The following ZHX3 variants were observed in gnomAD, a reference collection of about 807,000 sequenced individuals.
The protein encoded by ZHX3 is zinc fingers and homeoboxes protein 3.
In ZHX3, 20 loss-of-function variants were observed where a neutral mutation model predicts 64.5. That is an observed-to-expected ratio of 0.31 (90% CI 0.22 to 0.45). ZHX3 has a LOEUF of 0.45. ZHX3 is among the 20% of genes least tolerant of loss of function. The pLI, the probability that ZHX3 is intolerant of heterozygous loss-of-function variation, is 1.00. For synonymous variants in ZHX3, 423 were observed against 461.6 expected, an observed-to-expected ratio of 0.92 and a Z score of 1.07; for missense variants, 1,041 against 1,195.8, an observed-to-expected ratio of 0.87 and a Z score of 1.91.
chr20:41,296,190 G>A (rs1001280138), intron 1 of ZHX3, among the ~76,000 whole-genome samples: 1 of 125,560 alleles, frequency 8.0e-6, no homozygotes, highest in Admixed American at 9.5e-5. Flanking sequence ...GCCAAGTTGA[G>A]TTTTTTTCCT....
At chr20:41,310,184 C>T (rs2045089939) in intron 1 of ZHX3, among the ~76,000 whole-genome samples, 1 of 152,188 alleles carries the variant, frequency 6.6e-6, no homozygotes, top group South Asian at 2.1e-4. Flanking sequence ...AACTATATGC[C>T]TTCTTTGCTC....
intron 2 of ZHX3, among the ~76,000 whole-genome samples, chr20:41,208,319 G>A (rs1193370818): frequency 6.6e-6 from 1 of 152,120 alleles, no homozygotes; most frequent in African/African-American, 2.4e-5. Flanking sequence ...GAAAAAGAGG[G>A]AATCCTCCCT....
At chr20:41,297,888 G>A (rs1254738376) in intron 1 of ZHX3, among the ~76,000 whole-genome samples, 1 of 152,144 alleles carries the variant, frequency 6.6e-6, no homozygotes, top group Non-Finnish European at 1.5e-5. Flanking sequence ...GACTTTTACT[G>A]GTTTAAGATG....
At chr20:41,290,085 G>A (rs1243483148) in intron 1 of ZHX3, among the ~76,000 whole-genome samples, 1 of 152,162 alleles carries the variant, frequency 6.6e-6, no homozygotes, top group African/African-American at 2.4e-5. Flanking sequence ...TCACTACTAT[G>A]AATTTTATTA....
intron 3 of ZHX3, among the ~76,000 whole-genome samples, chr20:41,191,075 G>A (rs980082781): frequency 6.6e-6 from 1 of 152,180 alleles, no homozygotes; most frequent in Non-Finnish European, 1.5e-5. Flanking sequence ...TAAATCTCTT[G>A]TGAGATTTGG....
chr20:41,252,589 T>C (rs1444576771), intron 2 of ZHX3, among the ~76,000 whole-genome samples: 1 of 152,174 alleles, frequency 6.6e-6, no homozygotes, highest in Non-Finnish European at 1.5e-5. Context: ...TTTCAGTTTC[T>C]CTCTAACTTT....
Position 41,204,386 on chromosome 20 carries a change from T to A in ZHX3, c.531A>T (p.Ala177=), listed in dbSNP as rs1158353245. The A allele has an allele frequency of 1.9e-6, 3 of 1,614,236 alleles. No individual in the cohort carries two copies. The highest frequency in any genetic ancestry group is 2.5e-6 in the Non-Finnish European group (3 of 1,180,046). ...TTGGAGTTTTGGTAATGATGATTTC[T>A]GCCTGTCCATCAGCCCCTTCAGCAC... The part of the protein sequence containing the change: ...EPSAEGADGQ[A]EIIITKTPIM... Residue 177 remains alanine, a synonymous_variant, in exon 3 of 4, where the codon GCA becomes GCT. Coordinates refer to ENST00000683867, the MANE Select transcript of ZHX3 (RefSeq NM_001384317.1). The surrounding 1 kb of genome is among the most constrained non-coding windows in gnomAD (Gnocchi z 6.6).
rs143553363 is a variant in ZHX3 at position 41,311,159 on chromosome 20, T to C, written c.-245+6350A>G. Among the ~76,000 whole-genome samples, 155 of 152,308 alleles carry C rather than the reference T, an allele frequency of 1.0e-3. 1 individual carries two copies. Among genetic ancestry groups the C allele is most frequent in the African/African-American group, 3.4e-3 (142 of 41,566 alleles). ...AAAACTACGGTCAGTGAAAGAACAC[T>C]AAGTTAGTTATTGTCTGTCATTCAC... On this transcript the variant is annotated intron_variant, in intron 1 of 3. Coordinates refer to ENST00000683867, the MANE Select transcript of ZHX3 (RefSeq NM_001384317.1).
At position 41,224,098 on chromosome 20, in the gene ZHX3, C is replaced by A. The variant is rs2040117250; in HGVS notation, c.-150-19032G>T. Among the ~76,000 whole-genome samples the A allele has an allele frequency of 6.6e-6, 1 of 151,928 alleles. No individual in the cohort carries two copies. The highest frequency in any genetic ancestry group is 6.6e-5 in the Admixed American group (1 of 15,248). On this transcript the variant is annotated intron_variant, in intron 2 of 3. Coordinates refer to ENST00000683867, the MANE Select transcript of ZHX3 (RefSeq NM_001384317.1). The surrounding 1 kb of genome is among the most constrained non-coding windows in gnomAD (Gnocchi z 5.2). ...AAGAACAAGCAAAACAAAAAAAATA[C>A]CCAAAATGGAGGAGTGGGACAATAT... is the stretch of plus-strand genomic sequence containing the variant.
At chr20:41,292,423 T>C (rs1600649083) in intron 1 of ZHX3, among the ~76,000 whole-genome samples, 1 of 152,346 alleles carries the variant, frequency 6.6e-6, no homozygotes, top group East Asian at 1.9e-4. Context: ...AATAGTAATT[T>C]TTTTTTGAAA....
At chr20:41,302,095 C>T (rs1396901927) in intron 1 of ZHX3, among the ~76,000 whole-genome samples, 6 of 149,188 alleles carry the variant, frequency 4.0e-5, no homozygotes, top group African/African-American at 9.9e-5. Flanking sequence ...AACAGGCCAC[C>T]GCAAGTGCTC....
chr20:41,315,941 A>C (rs1361032895), intron 1 of ZHX3, among the ~76,000 whole-genome samples: 1 of 151,812 alleles, frequency 6.6e-6, no homozygotes, highest in African/African-American at 2.4e-5. Flanking sequence ...GGTAATTTTT[A>C]ATGTTATCTT....
At chr20:41,281,528 T>A (rs759211356) in intron 1 of ZHX3, among the ~76,000 whole-genome samples, 3 of 152,078 alleles carry the variant, frequency 2.0e-5, no homozygotes, top group Non-Finnish European at 2.9e-5. Flanking sequence ...ATGTAGAAAA[T>A]TAATGAAAAA....
At chr20:41,209,922 G>C (rs1336897848) in intron 2 of ZHX3, among the ~76,000 whole-genome samples, 8 of 152,154 alleles carry the variant, frequency 5.3e-5, no homozygotes, top group African/African-American at 1.9e-4. Context: ...TACAGAATGG[G>C]AGAAAATTTT....
At position 41,232,534 on chromosome 20, in the gene ZHX3, A is replaced by G. The variant is rs979001242; in HGVS notation, c.-150-27468T>C. On this transcript the variant is annotated intron_variant, in intron 2 of 3. Transcript: ENST00000683867. The surrounding 1 kb of genome is among the most constrained non-coding windows in gnomAD (Gnocchi z 5.0). ...AACCACAGGAGTGGAAAAGAAAGAG[A>G]TATGAAAATTGAAACACAGCACCCT... Among the ~76,000 whole-genome samples the G allele has an allele frequency of 6.6e-6, 1 of 152,160 alleles. No homozygotes were observed. The highest frequency in any genetic ancestry group is 2.4e-5 in the African/African-American group (1 of 41,430).
intron 2 of ZHX3, among the ~76,000 whole-genome samples, chr20:41,236,965 C>T (rs557072990): frequency 6.6e-6 from 1 of 152,308 alleles, no homozygotes; most frequent in African/African-American, 2.4e-5. Context: ...TATGAACAGA[C>T]ACTTCTCAAA....
intron 2 of ZHX3, among the ~76,000 whole-genome samples, chr20:41,245,793 C>T (rs1405909631): frequency 6.6e-6 from 1 of 152,188 alleles, no homozygotes; most frequent in African/African-American, 2.4e-5. Context: ...GATAATAATA[C>T]AGTAATCTTA....
chr20:41,261,090 G>A (rs6065326), intron 2 of ZHX3, among the ~76,000 whole-genome samples: 21,067 of 152,070 alleles, frequency 0.14, 1,685 homozygotes, highest in Non-Finnish European at 0.17. Flanking sequence ...GAAACAAGAA[G>A]GCACTCCCAG....
chr20:41,195,698 A>G lies in ZHX3; in HGVS notation c.2860+6359T>C, dbSNP rs2037426446. 6.6e-6 allele frequency among the ~76,000 whole-genome samples: 1 copy of G among 152,188 alleles called. No individual in the cohort carries two copies. The highest frequency in any genetic ancestry group is 1.5e-5 in the Non-Finnish European group (1 of 68,026). On this transcript the variant is annotated intron_variant, in intron 3 of 3. Transcript: ENST00000683867. This position sits in a 1 kb window ranked among gnomAD's most constrained non-coding sequence, Gnocchi z 4.2. ...CCCAAAGTGTGGGGATTACAGGCAT[A>G]AGCCACTGCGCCCAGCGTAAGTTCT... is the stretch of plus-strand genomic sequence containing the variant.
Sources: gnomAD v4.1 joint callset for allele counts (sites outside exome capture counted in the v4.1 genomes callset) on GRCh38, gnomAD v4.1.1 for gene constraint, Gnocchi (gnomAD v3.1) non-coding constraint, MANE v1.5 for transcripts, NCBI Gene and HGNC (gene_info 2026-07-23, HGNC 2026-07-21) for gene names.